ANO5: variants seen among roughly 807,000 people sequenced by gnomAD.
ANO5 encodes the protein anoctamin-5.
In ANO5, 109 loss-of-function variants were observed where a neutral mutation model predicts 121.0. That is an observed-to-expected ratio of 0.90 (90% CI 0.77 to 1.06). The LOEUF (loss-of-function observed/expected upper bound fraction) is 1.06, where lower values mean the gene tolerates loss of function less well. ANO5 is among the 50% of genes least tolerant of loss of function. ANO5 has a pLI of 0.00. For missense variants in ANO5, 1,064 were observed against 1,078.5 expected (o/e 0.99, Z 0.19); for synonymous variants, 406 against 359.9 (o/e 1.13, Z -1.45).
At chr11:22,233,659 A>G (rs146348396) in intron 7 of ANO5, among the ~76,000 whole-genome samples, 50 of 152,190 alleles carry the variant, frequency 3.3e-4, no homozygotes, top group African/African-American at 1.1e-3. Flanking sequence ...ATGATTTCTC[A>G]TTGAAACTCT....
Position 22,251,020 on chromosome 11 carries a change from A to G in ANO5, c.1180+9A>G. ...ATTCATGGGAATTTGGGGTGAGTAA[A>G]TAGTCCCATAAAGAAACAGCTTTCT... On this transcript the variant is annotated intron_variant, in intron 12 of 21. Transcript: ENST00000324559. 6.2e-7 allele frequency: 1 copy of G among 1,605,856 alleles called. No individual in the cohort carries two copies. Among genetic ancestry groups the G allele is most frequent in the African/African-American group, 1.3e-5 (1 of 74,942 alleles).
Position 22,282,493 on chromosome 11 carries a change from G to T in ANO5, c.*2728G>T, listed in dbSNP as rs1331004997. On this transcript the variant is annotated 3_prime_UTR_variant, in exon 22 of 22. Transcript: ENST00000324559. ...CAAAGTTATCAAAGAAGAGGAGAAG[G>T]AAAGGAGGACAGATGAAAGTGACGG... 1 of 152,124 alleles carries T rather than the reference G, an allele frequency of 6.6e-6. No individual in the cohort carries two copies. Among genetic ancestry groups the T allele is most frequent in the African/African-American group, 2.4e-5 (1 of 41,424 alleles). 9.4% of individuals were successfully genotyped at this position (152,124 alleles called of 1,614,324 possible).
rs1013633453 is a variant in ANO5, at chr11:22,281,223, A to C, written c.*1458A>C. The C allele has an allele frequency of 8.6e-5, 13 of 152,026 alleles. No individual in the cohort carries two copies. The highest frequency in any genetic ancestry group is 3.1e-4 in the African/African-American group (13 of 41,440). The allele number at this position is 152,026 out of a possible 1,614,324, so 9.4% of individuals were successfully genotyped here. On this transcript the variant is annotated 3_prime_UTR_variant, in exon 22 of 22. Coordinates refer to ENST00000324559, the MANE Select transcript of ANO5 (RefSeq NM_213599.3). The stretch of plus-strand genomic sequence containing the variant: ...TAGTTTTTTAATCACACACATAAGA[A>C]ATTTTATCACAATATTTAAAACTAA...
In ANO5 at chr11:22,276,124, C is replaced by T. The variant is rs774160498; in HGVS notation, c.2445C>T (p.Asp815=). 3.2e-5 allele frequency: 51 copies of T among 1,609,910 alleles called. No homozygotes were observed. The East Asian group carries it at 3.4e-4, about 11-fold the overall frequency. The change falls in exon 21 of 22, where the codon GAC becomes GAT. Residue 815 remains aspartate, a synonymous_variant. Transcript: ENST00000324559. ...GAGATTACAGATATCCTCCTGATGA[C>T]GAGAATAAATATTTTCATAATATGC... ...RYRDYRYPPD[D]ENKYFHNMQF... is the part of the protein sequence containing the mutation.
intron 13 of ANO5, among the ~76,000 whole-genome samples, chr11:22,257,202 TAA>T (rs1490522360): frequency 1.3e-5 from 2 of 152,132 alleles, no homozygotes; most frequent in Non-Finnish European, 2.9e-5. Flanking sequence ...TAATAACTCC[TAA>T]AGACTAAAGG....
At chr11:22,194,305 A>C (rs1466104168) in intron 1 of ANO5, among the ~76,000 whole-genome samples, 1 of 152,186 alleles carries the variant, frequency 6.6e-6, no homozygotes, top group Admixed American at 6.5e-5. Context: ...TTTTATTTTC[A>C]TGTCTTGTTT....
intron 2 of ANO5, among the ~76,000 whole-genome samples, chr11:22,210,668 T>A (rs966235422): frequency 1.3e-5 from 2 of 151,908 alleles, no homozygotes; most frequent in Non-Finnish European, 2.9e-5. Context: ...GAATCCACCA[T>A]ATACAGAGGG....
intron 3 of ANO5, among the ~76,000 whole-genome samples, chr11:22,215,250 C>T (rs1852402815): frequency 6.6e-6 from 1 of 151,936 alleles, no homozygotes. Flanking sequence ...TATTTAATAA[C>T]TGATATGGCA....
At position 22,281,654 on chromosome 11, in the gene ANO5, T is replaced by C. The variant is rs1286520937; in HGVS notation, c.*1889T>C. 1 of 151,358 alleles carries C rather than the reference T, an allele frequency of 6.6e-6. No individual in the cohort carries two copies. The highest frequency in any genetic ancestry group is 2.4e-5 in the African/African-American group (1 of 41,318). 9.4% of individuals were successfully genotyped at this position (151,358 alleles called of 1,614,324 possible). A position where few individuals can be genotyped will look rare whatever the true frequency, so the allele number is the denominator to read the frequency against. On this transcript the variant is annotated 3_prime_UTR_variant, in exon 22 of 22. Transcript: ENST00000324559. ...CTTCCTTCCTGGGTGCTGATAAAAA[T>C]AAGAAAGAGCATGGAAATTGGTTTC...
At chr11:22,263,183 C>G in intron 17 of ANO5, 140 bp downstream of exon 17, 2 of 665,702 alleles carry the variant, frequency 3.0e-6, no homozygotes, top group Non-Finnish European at 5.2e-6. Flanking sequence ...TTTTAATCAA[C>G]AGTGAAGGTT....
intron 1 of ANO5, among the ~76,000 whole-genome samples, chr11:22,202,103 T>G (rs1260076847): frequency 1.4e-5 from 2 of 146,068 alleles, no homozygotes; most frequent in African/African-American, 5.6e-5. Context: ...GGCAAAAAAC[T>G]CATATCAAGA....
At position 22,274,548 on chromosome 11, in the gene ANO5, C is replaced by CTT. The variant is rs72105710; in HGVS notation, c.2236-11_2236-10dup. ...TAAATTGGCAGCTGATGATCTTCCT[C>CTT]TTTTTTTTTTTATTCTTCAGGCCTT... On this transcript the variant is annotated intron_variant, in intron 19 of 21. Coordinates refer to ENST00000324559, the MANE Select transcript of ANO5 (RefSeq NM_213599.3). 3.4e-4 allele frequency: 429 copies of CTT among 1,266,118 alleles called. No individual in the cohort carries two copies. Among genetic ancestry groups the CTT allele is most frequent in the Non-Finnish European group, 4.1e-4 (382 of 932,120 alleles). The allele number at this position is 1,266,118 out of a possible 1,614,324, so 78.4% of individuals were successfully genotyped here. A position where few individuals can be genotyped will look rare whatever the true frequency, so the allele number is the denominator to read the frequency against.
chr11:22,216,900 A>G (rs1426707776), intron 3 of ANO5, among the ~76,000 whole-genome samples: 1 of 151,866 alleles, frequency 6.6e-6, no homozygotes, highest in Non-Finnish European at 1.5e-5. Flanking sequence ...TTTTCTTAAC[A>G]ATTCTTTAAT....
chr11:22,239,209 TA>T (rs894636110), intron 8 of ANO5, among the ~76,000 whole-genome samples: 5 of 151,708 alleles, frequency 3.3e-5, no homozygotes, highest in East Asian at 1.9e-4. Flanking sequence ...TTTTCATCTA[TA>T]AAAAAAAGTG....
At position 22,263,025 on chromosome 11, in the gene ANO5, T is replaced by C. The variant is rs766811349; in HGVS notation, c.1880T>C (p.Ile627Thr). 7 of 1,612,048 alleles carry C rather than the reference T, an allele frequency of 4.3e-6. No homozygotes were observed. The African/African-American group carries it at 6.7e-5, about 15-fold the overall frequency. The change falls in exon 17 of 22, where the codon ATT becomes ACT. Residue 627 changes from isoleucine to threonine, a missense_variant. Transcript: ENST00000324559. ...ACCGGGAAACAGATTTTTGGAAACATTAAAGAAGCCATTTATCCGTATGTA... is the reference window on the plus strand; with the variant it reads ...ACCGGGAAACAGATTTTTGGAAACACTAAAGAAGCCATTTATCCGTATGTA... ...IMTGKQIFGN[I>T]KEAIYPLALN...
chr11:22,223,803 G>A (rs1313931418), intron 5 of ANO5, among the ~76,000 whole-genome samples: 1 of 151,924 alleles, frequency 6.6e-6, no homozygotes, highest in African/African-American at 2.4e-5. Flanking sequence ...TAACTAGGCT[G>A]TTAATTTTTC....
chr11:22,194,231 A>AT (rs1276272404), intron 1 of ANO5, among the ~76,000 whole-genome samples: 1 of 152,120 alleles, frequency 6.6e-6, no homozygotes, highest in Non-Finnish European at 1.5e-5. Flanking sequence ...TAATACATGT[A>AT]TTTTCCTTAA....
intron 14 of ANO5, among the ~76,000 whole-genome samples, chr11:22,258,650 G>A (rs554059738): frequency 3.9e-5 from 6 of 152,230 alleles, no homozygotes; most frequent in Middle Eastern, 3.4e-3. Context: ...ATTCTGAGGG[G>A]AAATGAAATA....
intron 7 of ANO5, among the ~76,000 whole-genome samples, chr11:22,231,581 T>A (rs1214984884): frequency 2.6e-5 from 4 of 151,912 alleles, no homozygotes; most frequent in African/African-American, 9.7e-5. Flanking sequence ...TAGATATAAT[T>A]TTATTAAACA....
Sources: allele counts gnomAD v4.1 joint callset (sites outside exome capture counted in the v4.1 genomes callset), GRCh38; gene constraint gnomAD v4.1.1; transcripts MANE v1.5; gene names NCBI Gene and HGNC (gene_info 2026-07-23, HGNC 2026-07-21).